LIN52: variants seen among roughly 807,000 people sequenced by gnomAD.
LIN52 encodes the protein lin-52 DREAM MuvB core complex component.
LIN52 carries 4 observed loss-of-function variants against 18.5 expected under a neutral mutation model. The ratio of observed to expected loss-of-function variants is 0.22; its 90% CI spans 0.11 to 0.49. The LOEUF is 0.49. Among genes scored for constraint, LIN52 ranks in the 20% least tolerant of loss-of-function variants. The probability of loss-of-function intolerance (pLI) is 0.97; values close to 1 mark genes in which losing one functional copy is unlikely to be tolerated. For synonymous variants in LIN52, 34 were observed against 45.5 expected, an observed-to-expected ratio of 0.75 and a Z score of 1.02; for missense variants, 102 against 139.5, an observed-to-expected ratio of 0.73 and a Z score of 1.35.
chr14:74,106,967 T>C (rs2060900599), intron 5 of LIN52, among the ~76,000 whole-genome samples: 1 of 152,240 alleles, frequency 6.6e-6, no homozygotes, highest in Non-Finnish European at 1.5e-5. Flanking sequence ...TCATTACCCA[T>C]AGGATAAAAT....
rs528236365 is a variant in LIN52, at chr14:74,086,066, T to C, written c.19+1073T>C. On this transcript the variant is annotated intron_variant, in intron 1 of 5. Transcript: ENST00000555028. ...TAGATGTCACCTCCCAAAGAGTCTT[T>C]CTTAGAACACAGTATCTGGAGTTGC... Among the ~76,000 whole-genome samples the C allele has an allele frequency of 2.6e-5, 4 of 152,272 alleles. No individual in the cohort carries two copies. In the East Asian group the frequency reaches 7.7e-4, roughly 29 times the overall value.
chr14:74,167,685 T>C lies in LIN52; in HGVS notation c.284-31237T>C, dbSNP rs996994402. Reference sequence around the variant, plus strand: ...ATTGTCCCTAATACTGCACCTATTTTTTCTTTTTTCAGTTTTTATATTTTT... The same window carrying C: ...ATTGTCCCTAATACTGCACCTATTTCTTCTTTTTTCAGTTTTTATATTTTT... On this transcript the variant is annotated intron_variant, in intron 5 of 5. Transcript: ENST00000555028. 3.9e-5 allele frequency among the ~76,000 whole-genome samples: 6 copies of C among 152,202 alleles called. No homozygotes were observed. In the East Asian group the frequency reaches 1.2e-3, roughly 29 times the overall value.
intron 5 of LIN52, among the ~76,000 whole-genome samples, chr14:74,140,774 G>A (rs1339673572): frequency 6.6e-6 from 1 of 152,190 alleles, no homozygotes; most frequent in Non-Finnish European, 1.5e-5. Context: ...TTAGGGACTG[G>A]AGCAGGCCAA....
chr14:74,093,037 C>T (rs2060783816), intron 2 of LIN52, among the ~76,000 whole-genome samples: 2 of 151,854 alleles, frequency 1.3e-5, no homozygotes, highest in Admixed American at 1.3e-4. Context: ...CTGCAACGTC[C>T]GCCTCCCTGG....
intron 5 of LIN52, among the ~76,000 whole-genome samples, chr14:74,157,460 T>TATA (rs374055679): frequency 0.064 from 6,396 of 99,538 alleles, 195 homozygotes; most frequent in Non-Finnish European, 0.099. Context: ...TATATATATA[T>TATA]TTTTTAATTA....
At chr14:74,106,072 A>G (rs547141434) in intron 5 of LIN52, among the ~76,000 whole-genome samples, 14 of 152,346 alleles carry the variant, frequency 9.2e-5, no homozygotes, top group Admixed American at 8.5e-4. Context: ...CAGTTAATTT[A>G]TATGAAATTC....
At chr14:74,184,930 A>C (rs8021549) in intron 5 of LIN52, among the ~76,000 whole-genome samples, 26,241 of 150,776 alleles carry the variant, frequency 0.17, 2,779 homozygotes, top group East Asian at 0.58. Context: ...TTTCTTTTTT[A>C]TTTATTTTTT....
At chr14:74,177,378 G>A (rs1312694755) in intron 5 of LIN52, among the ~76,000 whole-genome samples, 2 of 152,084 alleles carry the variant, frequency 1.3e-5, no homozygotes, top group African/African-American at 4.8e-5. Context: ...TTCAGCTTTT[G>A]ATGTAAGGGG....
intron 5 of LIN52, among the ~76,000 whole-genome samples, chr14:74,168,334 A>G (rs932570959): frequency 9.2e-5 from 14 of 152,198 alleles, no homozygotes; most frequent in Middle Eastern, 3.2e-3. Context: ...TAGCAATGCT[A>G]TTAGTACTTG....
chr14:74,089,848 A>G (rs2060760806), intron 1 of LIN52, among the ~76,000 whole-genome samples: 1 of 152,052 alleles, frequency 6.6e-6, no homozygotes, highest in Non-Finnish European at 1.5e-5. Flanking sequence ...GACATACGAC[A>G]GGGGTGTGGC....
At chr14:74,130,278 G>GTTTGTTTGTTTTTTTTTTTT (rs1555382571) in intron 5 of LIN52, among the ~76,000 whole-genome samples, 2 of 64,842 alleles carry the variant, frequency 3.1e-5, no homozygotes, top group African/African-American at 1.3e-4. Context: ...GCATTTTTTG[G>GTTTGTTTGTTTTTTTTTTTT]TTTTTTTTTT....
intron 2 of LIN52, among the ~76,000 whole-genome samples, chr14:74,092,585 C>T (rs946178807): frequency 8.0e-5 from 12 of 150,640 alleles, no homozygotes; most frequent in African/African-American, 2.2e-4. Context: ...GGATTACAGG[C>T]GTGAGCCACC....
At chr14:74,121,459 A>T (rs1423012433) in intron 5 of LIN52, among the ~76,000 whole-genome samples, 1 of 152,224 alleles carries the variant, frequency 6.6e-6, no homozygotes, top group Non-Finnish European at 1.5e-5. Context: ...TTCCTTTCCA[A>T]TTCTAAGATA....
chr14:74,185,571 C>T (rs1252964782), intron 5 of LIN52, among the ~76,000 whole-genome samples: 2 of 151,902 alleles, frequency 1.3e-5, no homozygotes, highest in Non-Finnish European at 2.9e-5. Context: ...CCTCGGCCTC[C>T]GAAAGTGCTG....
chr14:74,167,827 A>G (rs2061255913), intron 5 of LIN52, among the ~76,000 whole-genome samples: 1 of 152,152 alleles, frequency 6.6e-6, no homozygotes, highest in Admixed American at 6.6e-5. Context: ...TAAGCCAGTG[A>G]GCCTGGCTTC....
intron 5 of LIN52, among the ~76,000 whole-genome samples, chr14:74,136,074 C>G (rs2061096126): frequency 6.6e-6 from 1 of 152,136 alleles, no homozygotes; most frequent in Non-Finnish European, 1.5e-5. Flanking sequence ...GAGGAAACTT[C>G]TAGTGTATCA....
At chr14:74,137,498 C>CTCTT (rs776969152) in intron 5 of LIN52, among the ~76,000 whole-genome samples, 9,638 of 111,834 alleles carry the variant, frequency 0.086, 745 homozygotes, top group South Asian at 0.28. Flanking sequence ...CAGCAGCTCT[C>CTCTT]TTTTTTTTTT....
chr14:74,169,721 TGC>T (rs1238287070), intron 5 of LIN52, among the ~76,000 whole-genome samples: 2 of 152,244 alleles, frequency 1.3e-5, no homozygotes, highest in Non-Finnish European at 2.9e-5. Flanking sequence ...TTGTTCATGT[TGC>T]CAATCATGTG....
intron 5 of LIN52, among the ~76,000 whole-genome samples, chr14:74,175,711 TACACACACACACACACAC>T (rs35602442): frequency 5.8e-5 from 5 of 86,326 alleles, no homozygotes; most frequent in African/African-American, 7.5e-5. Flanking sequence ...CACAGACACA[TACACACACACACACACAC>T]ACACACACAC....
Sources: allele counts gnomAD v4.1 joint callset (sites outside exome capture counted in the v4.1 genomes callset), GRCh38; gene constraint gnomAD v4.1.1; transcripts MANE v1.5; gene names NCBI Gene and HGNC (gene_info 2026-07-23, HGNC 2026-07-21).